The following MPP4 variants were observed in gnomAD, a reference collection of about 807,000 sequenced individuals.
MPP4 encodes the protein MAGUK p55 subfamily member 4.
MPP4 carries 91 observed loss-of-function variants against 98.3 expected under a neutral mutation model. The ratio of observed to expected loss-of-function variants is 0.93; its 90% CI spans 0.78 to 1.10. MPP4 has a LOEUF of 1.10. Among genes scored for constraint, MPP4 ranks in the 50% least tolerant of loss-of-function variants. MPP4 has a pLI of 0.00. For synonymous variants in MPP4, 261 were observed against 271.8 expected, an observed-to-expected ratio of 0.96 and a Z score of 0.39; for missense variants, 744 against 792.9, an observed-to-expected ratio of 0.94 and a Z score of 0.74.
At chr2:201,657,981 T>TC (rs1687909393) in intron 16 of MPP4, among the ~76,000 whole-genome samples, 1 of 151,564 alleles carries the variant, frequency 6.6e-6, no homozygotes, top group Non-Finnish European at 1.5e-5. Flanking sequence ...TTTTTTTTTT[T>TC]CACGCTCCCC....
intron 11 of MPP4, among the ~76,000 whole-genome samples, chr2:201,672,252 T>C (rs1232254037): frequency 6.6e-6 from 1 of 152,204 alleles, no homozygotes; most frequent in Non-Finnish European, 1.5e-5. Context: ...AAGCAGTGTT[T>C]AGAAGGAAAT....
At chr2:201,654,976 T>A in intron 17 of MPP4, 59 bp from the exon 18 acceptor site, 1 of 1,140,574 alleles carries the variant, frequency 8.8e-7, no homozygotes, top group Non-Finnish European at 1.3e-6. Context: ...AATTATGTGA[T>A]GGAATTATCA....
rs538660188 is a variant in MPP4 at position 201,647,767 on chromosome 2, G to A, written c.1643C>T (p.Ser548Leu). ...AGATTGTTTCATACACCTCATATTC[G>A]ATGGCTTTATAAATATGACATAGGG... is the stretch of plus-strand genomic sequence containing the variant. ...LKPYVIFIKP[S>L]NMRCMKQSRK... Residue 548 changes from serine to leucine, a missense_variant, in exon 21 of 22, where the codon TCG becomes TTG. Transcript: ENST00000409474. 7.7e-5 allele frequency: 124 copies of A among 1,613,714 alleles called. No individual in the cohort carries two copies. The highest frequency in any genetic ancestry group is 1.8e-4 in the East Asian group (8 of 44,874).
chr2:201,654,772 A>T, intron 18 of MPP4, 65 bp downstream of exon 18: 1 of 1,145,758 alleles, frequency 8.7e-7, no homozygotes, highest in Non-Finnish European at 1.3e-6. Flanking sequence ...TGACATAGTT[A>T]AATGAGATCA....
intron 10 of MPP4, among the ~76,000 whole-genome samples, chr2:201,676,144 G>A (rs1007707396): frequency 1.3e-5 from 2 of 152,222 alleles, no homozygotes; most frequent in African/African-American, 4.8e-5. Flanking sequence ...GCCTCCCAGA[G>A]CTCCTGCCTC....
chr2:201,659,139 A>G (rs1574606387), intron 15 of MPP4, among the ~76,000 whole-genome samples: 1 of 151,888 alleles, frequency 6.6e-6, no homozygotes, highest in South Asian at 2.1e-4. Context: ...CAGGTGATCC[A>G]CCCACCTCAG....
At chr2:201,650,928 A>G (rs1687697267) in intron 18 of MPP4, 1 of 985,298 alleles carries the variant, frequency 1.0e-6, no homozygotes, top group Admixed American at 6.2e-5. Context: ...ATAGGAGTTC[A>G]TCAAATATCT....
chr2:201,692,566 T>C (rs1378682268), intron 3 of MPP4, among the ~76,000 whole-genome samples: 3 of 144,468 alleles, frequency 2.1e-5, no homozygotes, highest in Admixed American at 6.9e-5. Context: ...AAAAAATAGG[T>C]AAGGTCTTTG....
chr2:201,671,577 C>CA lies in MPP4; in HGVS notation c.995-1828dup, dbSNP rs572722735. Among the ~76,000 whole-genome samples the CA allele has an allele frequency of 3.1e-3, 463 of 150,808 alleles. 2 individuals carry two copies. Among genetic ancestry groups the CA allele is most frequent in the Non-Finnish European group, 5.2e-3 (350 of 67,606 alleles). On this transcript the variant is annotated intron_variant, in intron 11 of 21. Transcript: ENST00000409474. ...GAATATTTACCAAGCAAATGGAAAG[C>CA]AAAAAAAAGCAGGGGTTCCAATCCT...
Position 201,650,180 on chromosome 2 carries a change from G to A in MPP4, c.1382-15C>T. 1 of 1,551,786 alleles carries A rather than the reference G, an allele frequency of 6.4e-7. No homozygotes were observed. The highest frequency in any genetic ancestry group is 8.7e-7 in the Non-Finnish European group (1 of 1,147,782). On this transcript the variant is annotated splice_polypyrimidine_tract_variant and intron_variant, in intron 18 of 21. Transcript: ENST00000409474. The stretch of plus-strand genomic sequence containing the variant: ...ACGAGTAGTGTCTATCAGAAAAAGG[G>A]AATGAAAGGTTTCAGTGTCTTCAGA...
chr2:201,695,937 A>G (rs925827974), intron 1 of MPP4, among the ~76,000 whole-genome samples: 7 of 152,204 alleles, frequency 4.6e-5, no homozygotes, highest in African/African-American at 1.7e-4. Flanking sequence ...TAAAAGGAAC[A>G]CTTCAAATTA....
At chr2:201,664,374 A>C in intron 13 of MPP4, 1 of 1,353,272 alleles carries the variant, frequency 7.4e-7, no homozygotes, top group Non-Finnish European at 9.8e-7. Flanking sequence ...GAATAAAATA[A>C]AATGTAAAAA....
At chr2:201,682,367 A>T (rs1016476480) in intron 8 of MPP4, among the ~76,000 whole-genome samples, 3 of 152,170 alleles carry the variant, frequency 2.0e-5, no homozygotes, top group Non-Finnish European at 4.4e-5. Flanking sequence ...GCAGGAACCC[A>T]GTTTGAGAAC....
At chr2:201,658,729 T>C (rs1441793153) in intron 15 of MPP4, among the ~76,000 whole-genome samples, 1 of 152,192 alleles carries the variant, frequency 6.6e-6, no homozygotes, top group Non-Finnish European at 1.5e-5. Flanking sequence ...TTCACAGAAT[T>C]TGAGCGTTAC....
At chr2:201,694,378 C>A (rs758727930) in intron 1 of MPP4, among the ~76,000 whole-genome samples, 1 of 152,114 alleles carries the variant, frequency 6.6e-6, no homozygotes, top group Non-Finnish European at 1.5e-5. Flanking sequence ...AAAAGTCTTG[C>A]GTGGACCAGC....
chr2:201,657,360 C>T (rs1201971474), intron 16 of MPP4, among the ~76,000 whole-genome samples: 1 of 152,152 alleles, frequency 6.6e-6, no homozygotes, highest in African/African-American at 2.4e-5. Flanking sequence ...ATAGGGCTTT[C>T]TGGTATCTTC....
At position 201,654,959 on chromosome 2, in the gene MPP4, T is replaced by C. The variant is rs141509150; in HGVS notation, c.1301-42A>G. On this transcript the variant is annotated intron_variant, in intron 17 of 21. Transcript: ENST00000409474. The stretch of plus-strand genomic sequence containing the variant: ...ACACACAGAAATCATCAGATGTGGA[T>C]AAATATAATTATGTGATGGAATTAT... The C allele has an allele frequency of 3.1e-5, 39 of 1,270,902 alleles. 1 individual carries two copies. The Admixed American group carries it at 8.5e-4, about 28-fold the overall frequency. 78.7% of individuals were successfully genotyped at this position (1,270,902 alleles called of 1,614,324 possible). A position where few individuals can be genotyped will look rare whatever the true frequency, so the allele number is the denominator to read the frequency against.
chr2:201,684,954 A>C, intron 7 of MPP4, 110 bp downstream of exon 7: 1 of 862,516 alleles, frequency 1.2e-6, no homozygotes, highest in Non-Finnish European at 1.7e-6. Flanking sequence ...TCTCAAAAAA[A>C]AAAAAAGAAA....
At chr2:201,652,658 C>T (rs950366890) in intron 18 of MPP4, among the ~76,000 whole-genome samples, 1 of 152,206 alleles carries the variant, frequency 6.6e-6, no homozygotes, top group African/African-American at 2.4e-5. Context: ...CTCCACACAT[C>T]TGGCTCAAAT....
Sources: allele counts gnomAD v4.1 joint callset (sites outside exome capture counted in the v4.1 genomes callset), GRCh38; gene constraint gnomAD v4.1.1; transcripts MANE v1.5; gene names NCBI Gene and HGNC (gene_info 2026-07-23, HGNC 2026-07-21).